Variants in NRXN1 observed in about 807,000 individuals in gnomAD.
The protein encoded by NRXN1 is neurexin 1.
In NRXN1, 39 loss-of-function variants were observed where a neutral mutation model predicts 150.9. The ratio of observed to expected loss-of-function variants is 0.26; its 90% CI spans 0.20 to 0.34. The LOEUF (loss-of-function observed/expected upper bound fraction) is 0.34, where lower values mean the gene tolerates loss of function less well. NRXN1 is among the 10% of genes least tolerant of loss of function. The pLI is 1.00. For synonymous variants in NRXN1, 924 were observed against 757.0 expected (o/e 1.22, Z -3.62); for missense variants, 1,815 against 1,949.9 (o/e 0.93, Z 1.30).
chr2:50,342,102 C>A (rs1486863876), intron 17 of NRXN1, among the ~76,000 whole-genome samples: 1 of 152,144 alleles, frequency 6.6e-6, no homozygotes, highest in African/African-American at 2.4e-5. Context: ...CTCCATGGTA[C>A]CTGGTACACA....
At chr2:50,614,668 A>T (rs986838517) in intron 8 of NRXN1, among the ~76,000 whole-genome samples, 1 of 147,052 alleles carries the variant, frequency 6.8e-6, no homozygotes, top group East Asian at 2.0e-4. Context: ...TAAAATAAAA[A>T]AAAAACAGAA....
intron 2 of NRXN1, among the ~76,000 whole-genome samples, chr2:51,001,860 A>C (rs1700121051): frequency 6.6e-6 from 1 of 151,956 alleles, no homozygotes; most frequent in Admixed American, 6.6e-5. Context: ...ACATCACAAA[A>C]CATAGGAAAG....
chr2:50,771,807 G>C (rs1381491451), intron 5 of NRXN1, among the ~76,000 whole-genome samples: 1 of 152,026 alleles, frequency 6.6e-6, no homozygotes, highest in Non-Finnish European at 1.5e-5. Context: ...TCATTCATTT[G>C]GTAAGTGTTT....
At chr2:50,546,563 A>T (rs2093498460) in intron 9 of NRXN1, among the ~76,000 whole-genome samples, 1 of 152,198 alleles carries the variant, frequency 6.6e-6, no homozygotes. Context: ...AACTGCAACT[A>T]TATAAAATAT....
intron 5 of NRXN1, among the ~76,000 whole-genome samples, chr2:50,858,233 A>G (rs1451533504): frequency 2.0e-5 from 3 of 152,086 alleles, no homozygotes; most frequent in Admixed American, 6.6e-5. Context: ...AATACAACAA[A>G]TTAATATTTT....
chr2:50,128,818 A>G lies in NRXN1; in HGVS notation c.3547-37324T>C, dbSNP rs145005230. ...GCCAACATGGCGAAACCACATCTCT[A>G]TTAAAACTACAAAAATTAACCGGGC... On this transcript the variant is annotated intron_variant, in intron 18 of 22. Transcript: ENST00000401669. 3.4e-3 allele frequency among the ~76,000 whole-genome samples: 524 copies of G among 151,898 alleles called. 4 individuals carry two copies. The highest frequency in any genetic ancestry group is 0.012 in the African/African-American group (495 of 41,406).
intron 5 of NRXN1, among the ~76,000 whole-genome samples, chr2:50,843,498 T>C: frequency 6.6e-6 from 1 of 152,188 alleles, no homozygotes. Context: ...CTTTAGACTT[T>C]TCCCCTAGTA....
At chr2:50,375,751 T>C (rs2153024133) in intron 17 of NRXN1, among the ~76,000 whole-genome samples, 1 of 151,860 alleles carries the variant, frequency 6.6e-6, no homozygotes, top group African/African-American at 2.4e-5. Context: ...CGATATGATA[T>C]AATTTTTTAT....
chr2:50,806,912 G>C (rs1458779050), intron 5 of NRXN1, among the ~76,000 whole-genome samples: 1 of 152,106 alleles, frequency 6.6e-6, no homozygotes, highest in African/African-American at 2.4e-5. Context: ...GGTACTTTGT[G>C]TTACATTCCC....
chr2:50,635,491 C>T (rs1275934670), intron 5 of NRXN1, among the ~76,000 whole-genome samples: 1 of 151,918 alleles, frequency 6.6e-6, no homozygotes, highest in East Asian at 1.9e-4. Flanking sequence ...TTCTTCTTGT[C>T]CCCTCTTTCT....
chr2:50,799,915 C>A (rs936088101), intron 5 of NRXN1, among the ~76,000 whole-genome samples: 2 of 151,846 alleles, frequency 1.3e-5, no homozygotes, highest in Non-Finnish European at 2.9e-5. Flanking sequence ...CACACACACA[C>A]GAGAGAGACA....
At chr2:50,434,041 C>A (rs1196331499) in intron 17 of NRXN1, among the ~76,000 whole-genome samples, 1 of 131,634 alleles carries the variant, frequency 7.6e-6, no homozygotes, top group African/African-American at 3.1e-5. Flanking sequence ...GGTATCTAAG[C>A]CATTTTTTTT....
Position 50,964,348 on chromosome 2 carries a change from C to T in NRXN1, c.773-38393G>A, listed in dbSNP as rs1192708957. Reference sequence around the variant, plus strand: ...TGACCACTAAAGCAATAATTTAGTCCCCAGTGTTAGTTTTGTTCATATACT... The same window carrying T: ...TGACCACTAAAGCAATAATTTAGTCTCCAGTGTTAGTTTTGTTCATATACT... On this transcript the variant is annotated intron_variant, in intron 2 of 22. Coordinates refer to ENST00000401669, the MANE Select transcript of NRXN1 (RefSeq NM_001330078.2). Among the ~76,000 whole-genome samples the T allele has an allele frequency of 3.3e-5, 5 of 151,356 alleles. No individual in the cohort carries two copies. The East Asian group carries it at 7.7e-4, about 23-fold the overall frequency.
intron 17 of NRXN1, among the ~76,000 whole-genome samples, chr2:50,332,901 A>G (rs1012841445): frequency 1.3e-5 from 2 of 152,214 alleles, no homozygotes; most frequent in African/African-American, 4.8e-5. Flanking sequence ...CTTTTCCAAA[A>G]GACAAAAACT....
intron 21 of NRXN1, among the ~76,000 whole-genome samples, chr2:49,999,837 C>G (rs988758730): frequency 6.6e-6 from 1 of 152,128 alleles, no homozygotes; most frequent in Non-Finnish European, 1.5e-5. Flanking sequence ...TTAACTTACA[C>G]TAAAATGTAA....
chr2:51,026,459 G>C lies in NRXN1; in HGVS notation c.772+1043C>G, dbSNP rs1179583246. 6.3e-7 allele frequency: 1 copy of C among 1,598,464 alleles called. No homozygotes were observed. The highest frequency in any genetic ancestry group is 1.3e-5 in the African/African-American group (1 of 74,852). On this transcript the variant is annotated intron_variant, in intron 2 of 22. Transcript: ENST00000401669. ...GCACCGGCAAAACACACTGAAGACCGAATTTTATTTCTAAAGAGGAGAAAA... is the reference window on the plus strand; with the variant it reads ...GCACCGGCAAAACACACTGAAGACCCAATTTTATTTCTAAAGAGGAGAAAA...
chr2:50,865,253 A>G (rs1676714870), intron 5 of NRXN1, among the ~76,000 whole-genome samples: 1 of 151,992 alleles, frequency 6.6e-6, no homozygotes, highest in Admixed American at 6.6e-5. Flanking sequence ...ATAAAGGGAA[A>G]GGAAGCTCTT....
intron 12 of NRXN1, among the ~76,000 whole-genome samples, chr2:50,520,500 G>C (rs2092756614): frequency 6.6e-6 from 1 of 151,720 alleles, no homozygotes; most frequent in African/African-American, 2.4e-5. Flanking sequence ...CTCACCAGCA[G>C]ATATAAACAT....
intron 5 of NRXN1, among the ~76,000 whole-genome samples, chr2:50,684,195 T>C (rs545892483): frequency 2.0e-5 from 3 of 152,294 alleles, no homozygotes; most frequent in East Asian, 1.9e-4. Context: ...AAGAATTCTG[T>C]AAAATTACAT....
Sources: allele counts gnomAD v4.1 joint callset (sites outside exome capture counted in the v4.1 genomes callset), GRCh38; gene constraint gnomAD v4.1.1; transcripts MANE v1.5; gene names NCBI Gene and HGNC (gene_info 2026-07-23, HGNC 2026-07-21).